Variants in IARS1 observed in about 807,000 individuals in gnomAD.
IARS1 encodes isoleucyl-tRNA synthetase 1.
In IARS1, 124 loss-of-function variants were observed where a neutral mutation model predicts 168.2. The ratio of observed to expected loss-of-function variants is 0.74; its 90% CI spans 0.64 to 0.86. The LOEUF is 0.86. Among genes scored for constraint, IARS1 ranks in the 40% least tolerant of loss-of-function variants. IARS1 has a pLI of 0.00. For missense variants in IARS1, 1,452 were observed against 1,515.8 expected (o/e 0.96, Z 0.70); for synonymous variants, 532 against 529.4 (o/e 1.00, Z -0.07).
intron 16 of IARS1, among the ~76,000 whole-genome samples, chr9:92,263,649 C>A (rs889928537): frequency 6.6e-6 from 1 of 152,284 alleles, no homozygotes; most frequent in East Asian, 1.9e-4. Context: ...GACCAGACCC[C>A]ATAGTTAACA....
intron 17 of IARS1, among the ~76,000 whole-genome samples, chr9:92,260,730 A>G (rs1367961477): frequency 6.6e-6 from 1 of 150,988 alleles, no homozygotes; most frequent in Non-Finnish European, 1.5e-5. Flanking sequence ...TTTGAATATC[A>G]TACTAAGTCC....
At chr9:92,231,478 A>C (rs1826684445) in intron 30 of IARS1, among the ~76,000 whole-genome samples, 1 of 145,252 alleles carries the variant, frequency 6.9e-6, no homozygotes, top group African/African-American at 2.6e-5. Context: ...CAATGGCATG[A>C]TCTTGGCTCA....
chr9:92,240,464 A>G (rs1400659998), intron 30 of IARS1: 11 of 538,822 alleles, frequency 2.0e-5, no homozygotes, highest in Non-Finnish European at 3.3e-5. Flanking sequence ...GGGTTTCACC[A>G]TGTTTATCAG....
chr9:92,260,261 TTAAG>T (rs776963054), intron 17 of IARS1, 27 bp from the exon 18 acceptor site: 2 of 1,359,998 alleles, frequency 1.5e-6, no homozygotes, highest in South Asian at 1.2e-5. Context: ...GAGATGCCAA[TTAAG>T]TAAGTCAATA....
chr9:92,230,492 A>G (rs1443050633), intron 30 of IARS1, among the ~76,000 whole-genome samples: 5 of 152,166 alleles, frequency 3.3e-5, no homozygotes, highest in Admixed American at 6.5e-5. Context: ...GTAATGTTCT[A>G]TGATATGTAC....
At chr9:92,254,402 T>C (rs1830437525) in intron 20 of IARS1, among the ~76,000 whole-genome samples, 1 of 152,156 alleles carries the variant, frequency 6.6e-6, no homozygotes, top group Non-Finnish European at 1.5e-5. Flanking sequence ...AAATACAATT[T>C]ATAATAATGA....
At chr9:92,292,016 CTTT>C (rs35644715) in intron 1 of IARS1, among the ~76,000 whole-genome samples, 33 of 126,910 alleles carry the variant, frequency 2.6e-4, no homozygotes, top group East Asian at 8.6e-4. Flanking sequence ...AGGATCATTC[CTTT>C]TTTTTTTTTT....
chr9:92,261,893 G>GGT (rs1274220984), intron 17 of IARS1, among the ~76,000 whole-genome samples: 1 of 151,926 alleles, frequency 6.6e-6, no homozygotes, highest in Non-Finnish European at 1.5e-5. Flanking sequence ...TGGGGTTACA[G>GGT]GTGTGTGCCA....
At position 92,250,827 on chromosome 9, in the gene IARS1, T is replaced by C; in HGVS notation, c.2315A>G (p.Tyr772Cys). 1 of 1,606,330 alleles carries C rather than the reference T, an allele frequency of 6.2e-7. No individual in the cohort carries two copies. Among genetic ancestry groups the C allele is most frequent in the Non-Finnish European group, 8.5e-7 (1 of 1,176,786 alleles). ...CATCAATTCAGTGAGAAAAGGTGTG[T>C]AGGGAGCCTGTATGAAGACACAGGA... The part of the protein sequence containing the change: ...LLSLCRLMAP[Y>C]TPFLTELMYQ... The change falls in exon 23 of 34, where the codon TAC (tyrosine) becomes TGC (cysteine). Residue 772 changes from tyrosine to cysteine, a missense_variant. Tyr to Cys is a radical substitution (Grantham distance 194). Coordinates refer to ENST00000443024, the MANE Select transcript of IARS1 (RefSeq NM_002161.6).
At chr9:92,239,854 C>T (rs917915585) in intron 30 of IARS1, among the ~76,000 whole-genome samples, 1 of 152,034 alleles carries the variant, frequency 6.6e-6, no homozygotes, top group Non-Finnish European at 1.5e-5. Flanking sequence ...GGTGGTGGGG[C>T]CATAGTTTTT....
intron 27 of IARS1, among the ~76,000 whole-genome samples, chr9:92,243,692 A>G (rs1248978259): frequency 6.6e-6 from 1 of 152,204 alleles, no homozygotes; most frequent in Non-Finnish European, 1.5e-5. Flanking sequence ...ACAGCTTTTC[A>G]GGCCACAACA....
intron 33 of IARS1, among the ~76,000 whole-genome samples, chr9:92,215,541 G>T (rs918667558): frequency 7.3e-5 from 11 of 151,696 alleles, no homozygotes; most frequent in African/African-American, 2.7e-4. Context: ...TTAGAAGAAT[G>T]TATAACTAGA....
chr9:92,218,826 C>T lies in IARS1; in HGVS notation c.3706+3694G>A, dbSNP rs1192697738. 5.3e-5 allele frequency among the ~76,000 whole-genome samples: 8 copies of T among 150,596 alleles called. No homozygotes were observed. The South Asian group carries it at 8.5e-4, about 16-fold the overall frequency. On this transcript the variant is annotated intron_variant, in intron 33 of 33. Transcript: ENST00000443024. ...GCTCATGGGTAGGAAGAATCAATAT[C>T]GTGAAAATGGTCATACTGCCCAAGG... is the stretch of plus-strand genomic sequence containing the variant.
At position 92,293,645 on chromosome 9, in the gene IARS1, G is replaced by A. The variant is rs1473035805; in HGVS notation, c.-42C>T. On this transcript the variant is annotated 5_prime_UTR_variant, in exon 1 of 34. Coordinates refer to ENST00000443024, the MANE Select transcript of IARS1 (RefSeq NM_002161.6). ...CTCGCGTGCCTGGACAGCCCCGCGG[G>A]CCAGCAAGCCTAAAAGCAACTCATC... 1.3e-5 allele frequency: 4 copies of A among 297,950 alleles called. No homozygotes were observed. The highest frequency in any genetic ancestry group is 2.2e-5 in the African/African-American group (1 of 45,488). The allele number at this position is 297,950 out of a possible 1,614,324, so 18.5% of individuals were successfully genotyped here.
chr9:92,266,729 C>A (rs1440243378), intron 14 of IARS1, among the ~76,000 whole-genome samples: 1 of 152,134 alleles, frequency 6.6e-6, no homozygotes, highest in Admixed American at 6.5e-5. Context: ...CTGCCCCCAC[C>A]CCACCGCCCG....
In IARS1 at chr9:92,250,095, C is replaced by T. The variant is rs145190714; in HGVS notation, c.2532+92G>A. On this transcript the variant is annotated intron_variant, in intron 24 of 33. Coordinates refer to ENST00000443024, the MANE Select transcript of IARS1 (RefSeq NM_002161.6). ...CCCTCACTGCAGAAAAGGAAAAAGGCCATTGGTGGAAGCTCTCTATATTAA... is the reference window on the plus strand; with the variant it reads ...CCCTCACTGCAGAAAAGGAAAAAGGTCATTGGTGGAAGCTCTCTATATTAA... 183 of 923,010 alleles carry T rather than the reference C, an allele frequency of 2.0e-4. No individual in the cohort carries two copies. In the African/African-American group the frequency reaches 2.7e-3, roughly 14 times the overall value. 57.2% of individuals were successfully genotyped at this position (923,010 alleles called of 1,614,324 possible). A position where few individuals can be genotyped will look rare whatever the true frequency, so the allele number is the denominator to read the frequency against.
chr9:92,271,729 A>G, intron 10 of IARS1, 74 bp from the exon 11 acceptor site: 1 of 1,476,556 alleles, frequency 6.8e-7, no homozygotes, highest in Admixed American at 1.7e-5. Context: ...ATAGATTCCC[A>G]AGATAATTGT....
intron 17 of IARS1, among the ~76,000 whole-genome samples, chr9:92,262,668 C>T (rs572918105): frequency 2.0e-5 from 3 of 152,262 alleles, no homozygotes; most frequent in African/African-American, 7.2e-5. Flanking sequence ...CATGAAAGGA[C>T]TGATGTACAG....
chr9:92,284,837 C>T (rs1020332263), intron 6 of IARS1, among the ~76,000 whole-genome samples: 1 of 152,102 alleles, frequency 6.6e-6, no homozygotes, highest in African/African-American at 2.4e-5. Context: ...GCCTTGGAAA[C>T]CTTGTGTTTA....
Sources: gnomAD v4.1 joint callset for allele counts (sites outside exome capture counted in the v4.1 genomes callset) on GRCh38, gnomAD v4.1.1 for gene constraint, MANE v1.5 for transcripts, NCBI Gene and HGNC (gene_info 2026-07-23, HGNC 2026-07-21) for gene names.